Variants in TANGO6 observed in about 807,000 individuals in gnomAD.
TANGO6 encodes the protein transport and golgi organization 6 homolog, also known as transport and Golgi organization protein 6 homolog.
In TANGO6, 90 loss-of-function variants were observed where a neutral mutation model predicts 114.2. The observed-to-expected ratio is 0.79, with a 90% confidence interval of 0.66 to 0.94. The LOEUF (loss-of-function observed/expected upper bound fraction) is 0.94, where lower values mean the gene tolerates loss of function less well. Ranked by LOEUF, TANGO6 falls within the 40% of genes least tolerant of loss-of-function variation. The pLI is 0.00. For missense variants in TANGO6, 1,274 were observed against 1,315.3 expected, an observed-to-expected ratio of 0.97 and a Z score of 0.49; for synonymous variants, 477 against 509.8, an observed-to-expected ratio of 0.94 and a Z score of 0.87.
At chr16:69,070,795 C>T (rs996481905) in intron 17 of TANGO6, among the ~76,000 whole-genome samples, 9 of 148,808 alleles carry the variant, frequency 6.0e-5, no homozygotes, top group South Asian at 2.1e-4. Context: ...TTTTCTGAGA[C>T]GGAATTTCGC....
chr16:69,058,350 A>T (rs558342314), intron 17 of TANGO6, among the ~76,000 whole-genome samples: 1 of 152,342 alleles, frequency 6.6e-6, no homozygotes, highest in African/African-American at 2.4e-5. Context: ...TTAAGGGTTT[A>T]TTGTATGCCA....
At chr16:68,894,628 G>A (rs1463460473) in intron 7 of TANGO6, among the ~76,000 whole-genome samples, 2 of 152,106 alleles carry the variant, frequency 1.3e-5, no homozygotes, top group South Asian at 4.2e-4. Flanking sequence ...ATTGGTATAG[G>A]CTAGGAACTG....
intron 14 of TANGO6, among the ~76,000 whole-genome samples, chr16:68,971,396 A>T (rs1963703103): frequency 6.6e-6 from 1 of 151,784 alleles, no homozygotes; most frequent in East Asian, 1.9e-4. Flanking sequence ...TCGGCCTCCG[A>T]GTAGCTAGGA....
chr16:68,996,498 G>C (rs532684414), intron 15 of TANGO6, among the ~76,000 whole-genome samples: 12 of 152,104 alleles, frequency 7.9e-5, no homozygotes, highest in Admixed American at 5.2e-4. Context: ...AGATGTTAGC[G>C]AGCACAAAAA....
At chr16:69,075,837 G>C (rs1465845994) in intron 17 of TANGO6, among the ~76,000 whole-genome samples, 1 of 147,320 alleles carries the variant, frequency 6.8e-6, no homozygotes, top group East Asian at 2.0e-4. Context: ...CTCAGTCTCA[G>C]CTCACTGCAA....
intron 14 of TANGO6, among the ~76,000 whole-genome samples, chr16:68,961,009 C>T (rs1217323631): frequency 6.6e-6 from 1 of 152,166 alleles, no homozygotes; most frequent in Non-Finnish European, 1.5e-5. Flanking sequence ...TAGAATCATT[C>T]GTGAATTTCA....
chr16:69,020,557 A>G (rs1959383876), intron 15 of TANGO6, among the ~76,000 whole-genome samples: 1 of 152,188 alleles, frequency 6.6e-6, no homozygotes, highest in Non-Finnish European at 1.5e-5. Context: ...AGAAAGTGGC[A>G]TTTGAACTGG....
intron 17 of TANGO6, among the ~76,000 whole-genome samples, chr16:69,061,149 G>GT (rs1388762202): frequency 3.9e-5 from 6 of 152,086 alleles, no homozygotes; most frequent in Non-Finnish European, 8.8e-5. Flanking sequence ...CACCTACAGG[G>GT]TTTTTTTGTT....
At chr16:68,856,333 G>A (rs890169462) in intron 1 of TANGO6, among the ~76,000 whole-genome samples, 77 of 152,104 alleles carry the variant, frequency 5.1e-4, no homozygotes, top group African/African-American at 2.4e-4. Context: ...CTTTTTCTGC[G>A]TTTGTTGAAA....
At chr16:69,015,521 G>A (rs931534141) in intron 15 of TANGO6, among the ~76,000 whole-genome samples, 4 of 125,050 alleles carry the variant, frequency 3.2e-5, no homozygotes, top group African/African-American at 5.3e-5. Flanking sequence ...TTGCTCTGTC[G>A]CCCAGGCTGG....
chr16:68,945,523 A>C (rs973317095), intron 14 of TANGO6, among the ~76,000 whole-genome samples: 1 of 152,178 alleles, frequency 6.6e-6, no homozygotes, highest in Non-Finnish European at 1.5e-5. Flanking sequence ...AAAAATGACC[A>C]AATTTGTTTG....
In TANGO6 at chr16:69,022,901, T is replaced by C. The variant is rs1168167724; in HGVS notation, c.2916T>C (p.Ala972=). 3 of 1,599,782 alleles carry C rather than the reference T, an allele frequency of 1.9e-6. No homozygotes were observed. The change falls in exon 16 of 18, where the codon GCT becomes GCC. Residue 972 remains alanine, a synonymous_variant. Transcript: ENST00000261778. ...GGGGAGTGAGAGATCCTGATGGTGCTCACAGGGCCAGCAGCTTGGCCAACC... is the reference window on the plus strand; with the variant it reads ...GGGGAGTGAGAGATCCTGATGGTGCCCACAGGGCCAGCAGCTTGGCCAACC... The part of the protein sequence containing the change: ...FLRGVRDPDG[A]HRASSLANLG...
chr16:68,900,571 T>A (rs768994390), intron 8 of TANGO6, 25 bp downstream of exon 8: 1 of 1,538,468 alleles, frequency 6.5e-7, no homozygotes, highest in Non-Finnish European at 8.9e-7. Flanking sequence ...GACCCTTATT[T>A]GTTTATAAAT....
intron 17 of TANGO6, among the ~76,000 whole-genome samples, chr16:69,057,379 AT>A (rs1206238989): frequency 6.6e-6 from 1 of 151,522 alleles, no homozygotes; most frequent in Non-Finnish European, 1.5e-5. Context: ...TAGTAACCCC[AT>A]TTCAGTATGA....
chr16:69,026,826 A>C (rs911896175), intron 16 of TANGO6: 1 of 152,336 alleles, frequency 6.6e-6, no homozygotes, highest in Non-Finnish European at 1.5e-5. Flanking sequence ...TGAGAGGATC[A>C]AATCTGAAGA....
chr16:69,075,652 C>T (rs1270512238), intron 17 of TANGO6, among the ~76,000 whole-genome samples: 4 of 151,858 alleles, frequency 2.6e-5, no homozygotes, highest in African/African-American at 9.7e-5. Flanking sequence ...TGGGGTTTCA[C>T]CATGTTGTTC....
At chr16:68,971,410 C>T (rs1034707698) in intron 14 of TANGO6, among the ~76,000 whole-genome samples, 1 of 151,832 alleles carries the variant, frequency 6.6e-6, no homozygotes, top group African/African-American at 2.4e-5. Context: ...GCTAGGACTA[C>T]AGGCACACAT....
At chr16:68,906,226 A>G (rs1227237387) in intron 9 of TANGO6, among the ~76,000 whole-genome samples, 2 of 152,142 alleles carry the variant, frequency 1.3e-5, no homozygotes, top group Non-Finnish European at 2.9e-5. Context: ...CGCAGTAACC[A>G]TAGCACTGAT....
intron 17 of TANGO6, among the ~76,000 whole-genome samples, chr16:69,052,473 T>C (rs1306080470): frequency 6.6e-6 from 1 of 152,024 alleles, no homozygotes; most frequent in Non-Finnish European, 1.5e-5. Flanking sequence ...TTTGCCATGT[T>C]GCCCAGACTG....
Sources: allele counts gnomAD v4.1 joint callset (sites outside exome capture counted in the v4.1 genomes callset), GRCh38; gene constraint gnomAD v4.1.1; transcripts MANE v1.5; gene names NCBI Gene and HGNC (gene_info 2026-07-23, HGNC 2026-07-21).